Variants in DNM3 observed in about 807,000 individuals in gnomAD.
The protein encoded by DNM3 is dynamin-3.
DNM3 carries 47 observed loss-of-function variants against 101.6 expected under a neutral mutation model. That is an observed-to-expected ratio of 0.46 (90% CI 0.37 to 0.59). The LOEUF is 0.59. DNM3 is among the 20% of genes least tolerant of loss of function. DNM3 has a pLI of 0.00. For synonymous variants in DNM3, 385 were observed against 387.9 expected (o/e 0.99, Z 0.09); for missense variants, 849 against 1,085.7 (o/e 0.78, Z 3.06).
intron 15 of DNM3, among the ~76,000 whole-genome samples, chr1:172,298,076 T>C (rs2148836441): frequency 6.6e-6 from 1 of 152,294 alleles, no homozygotes; most frequent in South Asian, 2.1e-4. Flanking sequence ...TTCTTGCTAT[T>C]TATCTACTTA....
chr1:172,300,674 A>G (rs1247051753), intron 15 of DNM3, among the ~76,000 whole-genome samples: 1 of 152,248 alleles, frequency 6.6e-6, no homozygotes, highest in East Asian at 1.9e-4. Flanking sequence ...AAGATGGATT[A>G]AAGACTTAAA....
intron 14 of DNM3, among the ~76,000 whole-genome samples, chr1:172,227,722 A>T (rs536631265): frequency 6.6e-6 from 1 of 152,206 alleles, no homozygotes; most frequent in East Asian, 1.9e-4. Flanking sequence ...CCATTTGTAT[A>T]TCTTCTTTTG....
intron 2 of DNM3, among the ~76,000 whole-genome samples, chr1:171,979,599 G>T (rs1010500021): frequency 9.2e-5 from 14 of 152,250 alleles, no homozygotes; most frequent in African/African-American, 3.4e-4. Flanking sequence ...GGATACTTGT[G>T]GTAGAATATT....
At chr1:172,012,135 C>A (rs548228974) in intron 4 of DNM3, among the ~76,000 whole-genome samples, 1 of 152,132 alleles carries the variant, frequency 6.6e-6, no homozygotes, top group Non-Finnish European at 1.5e-5. Context: ...TAGACTCAAA[C>A]ATGTAATGGT....
At chr1:171,878,681 A>G (rs2035995829) in intron 1 of DNM3, among the ~76,000 whole-genome samples, 3 of 152,094 alleles carry the variant, frequency 2.0e-5, no homozygotes, top group South Asian at 4.1e-4. Flanking sequence ...TTTCTTTTAT[A>G]TCATATTTTT....
chr1:172,217,382 G>T (rs1200866438), intron 14 of DNM3, among the ~76,000 whole-genome samples: 1 of 152,116 alleles, frequency 6.6e-6, no homozygotes, highest in Non-Finnish European at 1.5e-5. Context: ...GCTGGGGCCT[G>T]CCAACCAATT....
At chr1:172,158,759 T>A (rs1324953569) in intron 14 of DNM3, among the ~76,000 whole-genome samples, 1 of 152,084 alleles carries the variant, frequency 6.6e-6, no homozygotes, top group Non-Finnish European at 1.5e-5. Context: ...GTTTTATTGA[T>A]AGGTTTGATG....
At chr1:172,116,719 T>A (rs556484898) in intron 13 of DNM3, among the ~76,000 whole-genome samples, 1 of 152,338 alleles carries the variant, frequency 6.6e-6, no homozygotes, top group South Asian at 2.1e-4. Context: ...TTAAAAGGTG[T>A]GTTTATCTTG....
intron 2 of DNM3, among the ~76,000 whole-genome samples, chr1:171,965,506 ATTGT>A (rs2043516593): frequency 6.6e-6 from 1 of 151,418 alleles, no homozygotes; most frequent in South Asian, 2.1e-4. Context: ...GTGAGCCATG[ATTGT>A]TCCACTGTAA....
intron 14 of DNM3, among the ~76,000 whole-genome samples, chr1:172,168,687 C>A (rs1210846367): frequency 6.6e-6 from 1 of 151,914 alleles, no homozygotes; most frequent in African/African-American, 2.4e-5. Context: ...GCACAGCAGA[C>A]CTCTATACAG....
In DNM3 at chr1:172,408,085, A is replaced by C. The variant is rs2071021177; in HGVS notation, c.*244A>C. On this transcript the variant is annotated 3_prime_UTR_variant, in exon 21 of 21. Transcript: ENST00000627582. Reference sequence around the variant, plus strand: ...TGTACTGACCAAGGTAGGTTTGTATAGCAGCCCTATACTTTGGGGATCATT... The same window carrying C: ...TGTACTGACCAAGGTAGGTTTGTATCGCAGCCCTATACTTTGGGGATCATT... 7.5e-7 allele frequency: 1 copy of C among 1,335,892 alleles called. No homozygotes were observed. The highest frequency in any genetic ancestry group is 1.9e-5 in the South Asian group (1 of 51,304). The allele number at this position is 1,335,892 out of a possible 1,614,324, so 82.8% of individuals were successfully genotyped here. A position where few individuals can be genotyped will look rare whatever the true frequency, so the allele number is the denominator to read the frequency against.
chr1:172,404,767 G>A (rs113296890), intron 20 of DNM3, among the ~76,000 whole-genome samples: 13 of 151,994 alleles, frequency 8.6e-5, no homozygotes, highest in African/African-American at 2.4e-4. Flanking sequence ...CTCAGACTCC[G>A]AATTACAAAA....
intron 12 of DNM3, among the ~76,000 whole-genome samples, chr1:172,087,420 G>C (rs966054687): frequency 6.6e-6 from 1 of 152,110 alleles, no homozygotes; most frequent in African/African-American, 2.4e-5. Flanking sequence ...TTCATTTCAA[G>C]ACTTTTCACT....
At chr1:171,860,760 A>G (rs1489584788) in intron 1 of DNM3, among the ~76,000 whole-genome samples, 2 of 152,080 alleles carry the variant, frequency 1.3e-5, no homozygotes, top group Non-Finnish European at 2.9e-5. Flanking sequence ...AGAGTCTACA[A>G]ATATTTTGGA....
chr1:172,282,181 T>C (rs1191058810), intron 15 of DNM3, among the ~76,000 whole-genome samples: 1 of 152,200 alleles, frequency 6.6e-6, no homozygotes, highest in Non-Finnish European at 1.5e-5. Context: ...TTTTGTCTTG[T>C]CCGTTGCTCA....
At chr1:172,205,742 A>G (rs1377464397) in intron 14 of DNM3, among the ~76,000 whole-genome samples, 1 of 152,146 alleles carries the variant, frequency 6.6e-6, no homozygotes, top group Non-Finnish European at 1.5e-5. Flanking sequence ...TGTAATGAAT[A>G]TATAGTCGGG....
chr1:172,282,561 A>G (rs1224122145), intron 15 of DNM3, among the ~76,000 whole-genome samples: 1 of 152,218 alleles, frequency 6.6e-6, no homozygotes, highest in East Asian at 1.9e-4. Context: ...TAAAGCCCTC[A>G]AGACTTAAAA....
At chr1:172,166,710 A>AT (rs201064404) in intron 14 of DNM3, among the ~76,000 whole-genome samples, 1 of 147,538 alleles carries the variant, frequency 6.8e-6, no homozygotes, top group Non-Finnish European at 1.5e-5. Context: ...TACCCAACAT[A>AT]TTTTTTTGCT....
chr1:172,027,877 C>A (rs992220018), intron 4 of DNM3, among the ~76,000 whole-genome samples: 1 of 152,108 alleles, frequency 6.6e-6, no homozygotes, highest in Non-Finnish European at 1.5e-5. Context: ...AGCTAACTAT[C>A]CTAAATATAT....
Sources: gnomAD v4.1 joint callset for allele counts (sites outside exome capture counted in the v4.1 genomes callset) on GRCh38, gnomAD v4.1.1 for gene constraint, MANE v1.5 for transcripts, NCBI Gene and HGNC (gene_info 2026-07-23, HGNC 2026-07-21) for gene names.